Variants in UBN2 observed in about 807,000 individuals in gnomAD.
UBN2 encodes the protein ubinuclein 2.
In UBN2, 35 loss-of-function variants were observed where a neutral mutation model predicts 120.2. That is an observed-to-expected ratio of 0.29 (90% CI 0.22 to 0.39). UBN2 has a LOEUF of 0.39. Among genes scored for constraint, UBN2 ranks in the 10% least tolerant of loss-of-function variants. The pLI, the probability that UBN2 is intolerant of heterozygous loss-of-function variation, is 1.00. For synonymous variants in UBN2, 661 were observed against 648.7 expected (o/e 1.02, Z -0.29); for missense variants, 1,693 against 1,663.2 (o/e 1.02, Z -0.31).
At chr7:139,252,726 T>C (rs758034511) in intron 3 of UBN2, among the ~76,000 whole-genome samples, 5 of 152,078 alleles carry the variant, frequency 3.3e-5, no homozygotes, top group Non-Finnish European at 7.4e-5. Flanking sequence ...TTCAGAAGTC[T>C]AATTATAGCG....
chr7:139,324,568 A>AG, the UBN2 span, among the ~76,000 whole-genome samples: 6 of 151,416 alleles, frequency 4.0e-5, no homozygotes, highest in African/African-American at 1.5e-4. Context: ...AAAAAAAAAA[A>AG]AAAAAAAGAA....
chr7:139,287,620 A>T (rs1035871102), intron 15 of UBN2, among the ~76,000 whole-genome samples: 5 of 151,748 alleles, frequency 3.3e-5, no homozygotes, highest in African/African-American at 4.8e-5. Context: ...TCCTCTCCCA[A>T]ATGGCTTTAT....
At chr7:139,240,448 ATATATAT>A (rs1258178930) in intron 2 of UBN2, among the ~76,000 whole-genome samples, 4 of 35,522 alleles carry the variant, frequency 1.1e-4, no homozygotes, top group African/African-American at 2.6e-4. Flanking sequence ...ATATATATAT[ATATATAT>A]TTTTTTTTTT....
intron 8 of UBN2, among the ~76,000 whole-genome samples, chr7:139,270,668 G>A (rs568048873): frequency 6.6e-6 from 1 of 152,222 alleles, no homozygotes; most frequent in African/African-American, 2.4e-5. Context: ...TATTTGGGTT[G>A]TTTCCAGGCA....
At chr7:139,239,667 C>A (rs143806005) in intron 2 of UBN2, among the ~76,000 whole-genome samples, 30 of 149,610 alleles carry the variant, frequency 2.0e-4, no homozygotes, top group African/African-American at 7.1e-4. Flanking sequence ...CAGCAGTTCT[C>A]CTGCCTCAAC....
At chr7:139,268,371 C>T (rs1173162424) in intron 7 of UBN2, among the ~76,000 whole-genome samples, 1 of 151,938 alleles carries the variant, frequency 6.6e-6, no homozygotes, top group African/African-American at 2.4e-5. Context: ...GTCTTATTTT[C>T]TGTATTGAGT....
intron 17 of UBN2, among the ~76,000 whole-genome samples, chr7:139,295,384 C>T (rs1798080059): frequency 6.6e-6 from 1 of 152,116 alleles, no homozygotes; most frequent in South Asian, 2.1e-4. Flanking sequence ...AAGCATGTCC[C>T]CCCCTGGGTG....
At chr7:139,278,906 T>C (rs2131025170) in intron 12 of UBN2, among the ~76,000 whole-genome samples, 1 of 152,248 alleles carries the variant, frequency 6.6e-6, no homozygotes, top group South Asian at 2.1e-4. Flanking sequence ...TTTTGACATT[T>C]TTTATTTGAA....
intron 1 of UBN2, 91 bp downstream of exon 1, chr7:139,232,043 G>T (rs2130917732): frequency 7.6e-7 from 1 of 1,324,366 alleles, no homozygotes. Flanking sequence ...GACGCCCACC[G>T]AGCGCGTCCG....
the UBN2 span, among the ~76,000 whole-genome samples, chr7:139,326,246 ACT>A: frequency 1.3e-5 from 2 of 151,238 alleles, no homozygotes; most frequent in Non-Finnish European, 2.9e-5. Context: ...ACAGAGCAAG[ACT>A]CTGTCTCAAA....
Position 139,283,395 on chromosome 7 carries a change from A to T in UBN2, c.2490A>T (p.Ser830=), listed in dbSNP as rs780269054. The T allele has an allele frequency of 1.2e-6, 2 of 1,614,058 alleles. No homozygotes were observed. The highest frequency in any genetic ancestry group is 1.7e-6 in the Non-Finnish European group (2 of 1,180,020). Reference sequence around the variant, plus strand: ...ATTCTACTCAGACTACACATTCTTCAAGTCTTATTGCTGGTCACACAGGGC... The same window carrying T: ...ATTCTACTCAGACTACACATTCTTCTAGTCTTATTGCTGGTCACACAGGGC... The part of the protein sequence containing the change: ...KLDSTQTTHS[S]SLIAGHTGPV... Residue 830 remains serine, a synonymous_variant, in exon 15 of 18, where the codon TCA becomes TCT. Transcript: ENST00000473989.
chr7:139,262,088 TTTTATTTA>T (rs756270445), intron 6 of UBN2, among the ~76,000 whole-genome samples: 1 of 150,158 alleles, frequency 6.7e-6, no homozygotes, highest in Non-Finnish European at 1.5e-5. Context: ...TGGTGTTTTA[TTTTATTTA>T]TTTATTTATT....
chr7:139,284,610 A>G (rs1377462532), intron 15 of UBN2, 36 bp downstream of exon 15: 8 of 1,530,110 alleles, frequency 5.2e-6, no homozygotes, highest in Non-Finnish European at 6.2e-6. Context: ...GATAAACTAT[A>G]AGATTGTATA....
Position 139,297,887 on chromosome 7 carries a change from C to G in UBN2, c.*51C>G. 6.3e-7 allele frequency: 1 copy of G among 1,593,196 alleles called. No homozygotes were observed. On this transcript the variant is annotated 3_prime_UTR_variant, in exon 18 of 18. Transcript: ENST00000473989. ...ATGTTTAGTTGACTGATGGAATCTA[C>G]CTGATGGGAAAGTACTTATGTGGTC...
chr7:139,231,765 A>AGCCGCCGCCGCCGTT lies in UBN2; in HGVS notation c.282_296dup (p.Pro98_Phe99insLeuProProProPro), dbSNP rs1796018880. ...CTGCAGCGGGAGCCCCCGCGGCCCGAGCCGCCGCCGCCGTTCCCGCCGCTG... is the reference window on the plus strand; with the variant it reads ...CTGCAGCGGGAGCCCCCGCGGCCCGAGCCGCCGCCGCCGTTGCCGCCGCCGCCGTTCCCGCCGCTG... On this transcript the variant is annotated inframe_insertion, in exon 1 of 18. Transcript: ENST00000473989. 1 of 1,246,746 alleles carries AGCCGCCGCCGCCGTT rather than the reference A, an allele frequency of 8.0e-7. No individual in the cohort carries two copies. The highest frequency in any genetic ancestry group is 1.0e-6 in the Non-Finnish European group (1 of 1,001,146). The allele number at this position is 1,246,746 out of a possible 1,614,324, so 77.2% of individuals were successfully genotyped here.
chr7:139,320,427 C>T, the UBN2 span, among the ~76,000 whole-genome samples: 1 of 151,922 alleles, frequency 6.6e-6, no homozygotes, highest in Non-Finnish European at 1.5e-5. Context: ...CGATACTGCA[C>T]TCCAGCCTGG....
At position 139,300,278 on chromosome 7, in the gene UBN2, G is replaced by A. The variant is rs1218445457; in HGVS notation, c.*2442G>A. 1.3e-5 allele frequency: 2 copies of A among 151,682 alleles called. No individual in the cohort carries two copies. The highest frequency in any genetic ancestry group is 2.4e-5 in the African/African-American group (1 of 41,186). 9.4% of individuals were successfully genotyped at this position (151,682 alleles called of 1,614,324 possible). A position where few individuals can be genotyped will look rare whatever the true frequency, so the allele number is the denominator to read the frequency against. ...ACCTTAAACCCCCACCTGCACTGAC[G>A]ACTTACATTCATTTCAGTCAGGACC... is the stretch of plus-strand genomic sequence containing the variant. On this transcript the variant is annotated 3_prime_UTR_variant, in exon 18 of 18. Transcript: ENST00000473989.
downstream of UBN2, among the ~76,000 whole-genome samples, chr7:139,309,155 G>T (rs1055837475): frequency 6.6e-6 from 1 of 152,212 alleles, no homozygotes; most frequent in East Asian, 1.9e-4. Flanking sequence ...ATAAGTGTAC[G>T]TGTGATCTGC....
intron 13 of UBN2, among the ~76,000 whole-genome samples, chr7:139,279,680 AAGG>A (rs1385504454): frequency 6.6e-6 from 1 of 152,222 alleles, no homozygotes; most frequent in Non-Finnish European, 1.5e-5. Context: ...AGAAACAAAA[AAGG>A]AGCTGACAGT....
Sources: gnomAD v4.1 joint callset for allele counts (sites outside exome capture counted in the v4.1 genomes callset) on GRCh38, gnomAD v4.1.1 for gene constraint, MANE v1.5 for transcripts, NCBI Gene and HGNC (gene_info 2026-07-23, HGNC 2026-07-21) for gene names.